Variants in FRYL observed in about 807,000 individuals in gnomAD.
The protein encoded by FRYL is FRY like transcription coactivator, also known as protein furry homolog-like.
FRYL carries 150 observed loss-of-function variants against 351.2 expected under a neutral mutation model. The observed-to-expected ratio is 0.43, with a 90% CI of 0.37 to 0.49. FRYL has a LOEUF of 0.49. Among genes scored for constraint, FRYL ranks in the 20% least tolerant of loss-of-function variants. The pLI is 0.00. For synonymous variants in FRYL, 1,153 were observed against 1,257.1 expected, an observed-to-expected ratio of 0.92 and a Z score of 1.75; for missense variants, 3,036 against 3,619.3, an observed-to-expected ratio of 0.84 and a Z score of 4.13.
chr4:48,773,219 A>G (rs1200454870), intron 1 of FRYL, among the ~76,000 whole-genome samples: 2 of 152,200 alleles, frequency 1.3e-5, no homozygotes, highest in African/African-American at 4.8e-5. Context: ...CATTATTATT[A>G]TAAGACGCAA....
At chr4:48,751,484 C>A (rs1199508732) in intron 1 of FRYL, among the ~76,000 whole-genome samples, 1 of 152,182 alleles carries the variant, frequency 6.6e-6, no homozygotes, top group African/African-American at 2.4e-5. Context: ...TCCAGGACAT[C>A]ATTTCGGGGA....
At chr4:48,611,249 T>C (rs1748128669) in intron 7 of FRYL, among the ~76,000 whole-genome samples, 1 of 152,186 alleles carries the variant, frequency 6.6e-6, no homozygotes, top group Non-Finnish European at 1.5e-5. Flanking sequence ...TAACACAATG[T>C]AAATGTTACA....
At chr4:48,777,537 A>G (rs1461891324) in intron 1 of FRYL, among the ~76,000 whole-genome samples, 1 of 152,254 alleles carries the variant, frequency 6.6e-6, no homozygotes, top group Non-Finnish European at 1.5e-5. Flanking sequence ...GAAACAGTTC[A>G]TAACTCAAGA....
chr4:48,530,010 T>C (rs1182303987), intron 50 of FRYL, among the ~76,000 whole-genome samples: 1 of 152,218 alleles, frequency 6.6e-6, no homozygotes, highest in Non-Finnish European at 1.5e-5. Context: ...GTTTCAGCCA[T>C]TCACTTATAC....
chr4:48,770,767 A>G (rs985421869), intron 1 of FRYL, among the ~76,000 whole-genome samples: 8 of 152,182 alleles, frequency 5.3e-5, no homozygotes, highest in Non-Finnish European at 1.0e-4. Flanking sequence ...AATTTATAGT[A>G]TATAGTTTAC....
chr4:48,623,164 T>C lies in FRYL; in HGVS notation c.136A>G (p.Arg46Gly). ...AGATCTTCACCCCTCTGAAGAGATC[T>C]GGACAATAGCTTCTCCTATGATTAA... ...MAEPLEKLLS[R>G]SLQRGEDLQF... The change falls in exon 5 of 64, where the codon AGA becomes GGA. Residue 46 changes from arginine (R) to glycine (G), a missense_variant. Arg to Gly is a moderately radical substitution (Grantham distance 125, BLOSUM62 -2). Transcript: ENST00000358350. 6.5e-7 allele frequency: 1 copy of C among 1,545,414 alleles called. No individual in the cohort carries two copies. Among genetic ancestry groups the C allele is most frequent in the Non-Finnish European group, 8.8e-7 (1 of 1,141,382 alleles).
At chr4:48,669,279 C>G (rs1194328342) in intron 3 of FRYL, among the ~76,000 whole-genome samples, 1 of 152,122 alleles carries the variant, frequency 6.6e-6, no homozygotes, top group Non-Finnish European at 1.5e-5. Flanking sequence ...AGCAACTGAA[C>G]AATTAGAGCA....
intron 11 of FRYL, among the ~76,000 whole-genome samples, chr4:48,605,252 C>A (rs935605979): frequency 6.6e-6 from 1 of 152,152 alleles, no homozygotes; most frequent in Non-Finnish European, 1.5e-5. Flanking sequence ...ATTAATATTT[C>A]AAATTCTTAA....
chr4:48,565,653 G>C lies in FRYL; in HGVS notation c.3208C>G (p.Arg1070Gly). ...RRSIFPQQSLRHSLFMLFSHW... is the reference protein window; with the variant it reads ...RRSIFPQQSLGHSLFMLFSHW... ...CTGAACAGCATAAATAGACTGTGACGAAGGCTCTGTTGAGGAAAAATACTT... is the reference window on the plus strand; with the variant it reads ...CTGAACAGCATAAATAGACTGTGACCAAGGCTCTGTTGAGGAAAAATACTT... Residue 1070 changes from arginine to glycine, a missense_variant, in exon 29 of 64, where the codon CGT becomes GGT. Physicochemically the swap from Arg to Gly is moderately radical, Grantham distance 125. Around this residue, in one of 7 missense-constraint regions of FRYL, gnomAD observed 15 missense variants for 41.9 expected, o/e 0.36. Transcript: ENST00000358350. 6.2e-7 allele frequency: 1 copy of C among 1,612,792 alleles called. No homozygotes were observed. The highest frequency in any genetic ancestry group is 8.5e-7 in the Non-Finnish European group (1 of 1,179,774).
chr4:48,590,791 C>T lies in FRYL; in HGVS notation c.1375G>A (p.Asp459Asn). 1 of 1,613,692 alleles carries T rather than the reference C, an allele frequency of 6.2e-7. No homozygotes were observed. Among genetic ancestry groups the T allele is most frequent in the Non-Finnish European group, 8.5e-7 (1 of 1,179,876 alleles). Residue 459 changes from aspartate to asparagine, a missense_variant, in exon 17 of 64, where the codon GAC becomes AAC. This residue lies in a region of FRYL where 457 missense variants were observed against 566.6 expected (regional missense o/e 0.81). Transcript: ENST00000358350. The stretch of plus-strand genomic sequence containing the variant: ...TCACCATCTTTCTGCTGCAAACTGT[C>T]TGCTATTACAAGGAAGACTCTGAGA... ...IGLRVFLVIADSLQQKDGEPP... is the reference protein window; with the variant it reads ...IGLRVFLVIANSLQQKDGEPP...
At chr4:48,573,932 C>A (rs1738967896) in intron 25 of FRYL, among the ~76,000 whole-genome samples, 1 of 152,070 alleles carries the variant, frequency 6.6e-6, no homozygotes, top group South Asian at 2.1e-4. Flanking sequence ...GGTGGGGTAC[C>A]ATAATTTTCC....
intron 3 of FRYL, among the ~76,000 whole-genome samples, chr4:48,654,389 T>C (rs1180027688): frequency 6.6e-6 from 1 of 151,996 alleles, no homozygotes; most frequent in Admixed American, 6.6e-5. Context: ...ATTTTAGTAG[T>C]AAATTCTCTC....
intron 61 of FRYL, 140 bp downstream of exon 61, chr4:48,502,688 G>T: frequency 1.8e-6 from 1 of 551,508 alleles, no homozygotes; most frequent in Non-Finnish European, 3.2e-6. Context: ...ATGGATTAGG[G>T]CTTTGCAAAA....
At chr4:48,648,757 C>T (rs1212711169) in intron 3 of FRYL, among the ~76,000 whole-genome samples, 1 of 151,998 alleles carries the variant, frequency 6.6e-6, no homozygotes, top group African/African-American at 2.4e-5. Flanking sequence ...ATGTAAGAAC[C>T]CTGTCACAAA....
rs1374934434 is a variant in FRYL, at chr4:48,620,707, G to A, written c.246C>T (p.Tyr82=). Residue 82 remains tyrosine (Y), a synonymous_variant, in exon 6 of 64, where the codon TAC becomes TAT. Transcript: ENST00000358350. ...CATCTTCCGTTCCATTTTGGCGTCT[G>A]TACCAGTCAAACAAGGTGCGAAGTA... ...PSLLRTLFDW[Y]RRQNGTEDES... 2.5e-6 allele frequency: 4 copies of A among 1,613,760 alleles called. No homozygotes were observed. The South Asian group carries it at 4.4e-5, about 18-fold the overall frequency.
intron 18 of FRYL, among the ~76,000 whole-genome samples, chr4:48,587,858 A>G (rs1742466836): frequency 6.6e-6 from 1 of 152,066 alleles, no homozygotes; most frequent in African/African-American, 2.4e-5. Context: ...GGTATTTGTT[A>G]TAGTGGCAAT....
chr4:48,593,500 A>T (rs1388680464), intron 16 of FRYL, among the ~76,000 whole-genome samples: 4 of 151,038 alleles, frequency 2.6e-5, no homozygotes, highest in Non-Finnish European at 5.9e-5. Flanking sequence ...ATGTGCCACC[A>T]CTCCCGGCTA....
At chr4:48,644,006 C>T (rs1211755122) in intron 3 of FRYL, among the ~76,000 whole-genome samples, 7 of 152,110 alleles carry the variant, frequency 4.6e-5, no homozygotes, top group African/African-American at 1.7e-4. Flanking sequence ...TGCAATAGCA[C>T]GATCTCGGCT....
At chr4:48,671,885 A>C (rs1407286001) in intron 3 of FRYL, among the ~76,000 whole-genome samples, 4 of 149,464 alleles carry the variant, frequency 2.7e-5, no homozygotes, top group Non-Finnish European at 4.5e-5. Flanking sequence ...AAAAAAAAAA[A>C]AAAAAAGAAG....
Sources: allele counts gnomAD v4.1 joint callset (sites outside exome capture counted in the v4.1 genomes callset), GRCh38; gene constraint gnomAD v4.1.1; regional missense constraint gnomAD v4.1.1; transcripts MANE v1.5; gene names NCBI Gene and HGNC (gene_info 2026-07-23, HGNC 2026-07-21).